KIF18A: variants seen among roughly 807,000 people sequenced by gnomAD.
The protein encoded by KIF18A is kinesin family member 18A.
A neutral mutation model predicts 103.3 loss-of-function variants in KIF18A; 67 were observed. That is an observed-to-expected ratio of 0.65 (90% CI 0.53 to 0.79). The LOEUF (loss-of-function observed/expected upper bound fraction) is 0.79. Among genes scored for constraint, KIF18A ranks in the 30% least tolerant of loss-of-function variants. The probability of loss-of-function intolerance (pLI) is 0.00; values close to 1 mark genes in which losing one functional copy is unlikely to be tolerated. For synonymous variants in KIF18A, 367 were observed against 355.5 expected (o/e 1.03, Z -0.36); for missense variants, 1,032 against 1,062.5 (o/e 0.97, Z 0.40).
chr11:28,028,547 A>G (rs1254301814), intron 15 of KIF18A, among the ~76,000 whole-genome samples: 2 of 152,198 alleles, frequency 1.3e-5, no homozygotes, highest in African/African-American at 4.8e-5. Flanking sequence ...AGGGAAATTT[A>G]TAGCAGTAAA....
intron 15 of KIF18A, among the ~76,000 whole-genome samples, chr11:28,031,541 G>A (rs1473335673): frequency 2.0e-5 from 3 of 152,020 alleles, no homozygotes; most frequent in Non-Finnish European, 2.9e-5. Context: ...TGGGGTAGGG[G>A]GAGCGCAGAG....
intron 15 of KIF18A, among the ~76,000 whole-genome samples, chr11:28,031,505 T>G (rs1055690057): frequency 2.0e-5 from 3 of 151,746 alleles, no homozygotes; most frequent in Admixed American, 6.6e-5. Flanking sequence ...CACAGGAAGG[T>G]GAACATCACA....
Position 28,069,382 on chromosome 11 carries a change from A to G in KIF18A, c.1467T>C (p.Thr489=), listed in dbSNP as rs1168074770. 3 of 1,613,760 alleles carry G rather than the reference A, an allele frequency of 1.9e-6. No homozygotes were observed. Among genetic ancestry groups the G allele is most frequent in the Middle Eastern group, 3.3e-4 (2 of 6,048 alleles). Residue 489 remains threonine, a synonymous_variant, in exon 11 of 17, where the codon ACT becomes ACC. Coordinates refer to ENST00000263181, the MANE Select transcript of KIF18A (RefSeq NM_031217.4). The stretch of plus-strand genomic sequence containing the variant: ...TCCTTTTCTCCAGGTAGGAGCGACG[A>G]GTTTTCAACATTGCAAGTCTATGAT... The part of the protein sequence containing the change: ...KRDHRLAMLK[T]RRSYLEKRRE...
intron 13 of KIF18A, among the ~76,000 whole-genome samples, chr11:28,039,766 G>A (rs1850536197): frequency 6.6e-6 from 1 of 151,818 alleles, no homozygotes; most frequent in African/African-American, 2.4e-5. Context: ...TCCTGGCAGA[G>A]TATAAGCTGA....
chr11:28,095,636 T>A (rs1195755909), intron 2 of KIF18A, among the ~76,000 whole-genome samples: 3 of 152,210 alleles, frequency 2.0e-5, no homozygotes, highest in Non-Finnish European at 2.9e-5. Context: ...TTTTAAGTTT[T>A]TGTTTTAGGT....
chr11:28,099,166 T>A (rs1851415093), intron 1 of KIF18A, among the ~76,000 whole-genome samples: 1 of 152,182 alleles, frequency 6.6e-6, no homozygotes, highest in Non-Finnish European at 1.5e-5. Flanking sequence ...TAAAAAAGAC[T>A]AAAATTCTGT....
chr11:28,062,599 C>A, intron 11 of KIF18A, 83 bp from the exon 12 acceptor site: 1 of 1,050,196 alleles, frequency 9.5e-7, no homozygotes, highest in Admixed American at 3.1e-5. Context: ...ATATTGTTGC[C>A]AATAGTTTTA....
Position 28,021,032 on chromosome 11 carries a change from AAAG to A in KIF18A, c.*165_*167del. The A allele has an allele frequency of 1.8e-6, 1 of 545,554 alleles. No individual in the cohort carries two copies. Among genetic ancestry groups the A allele is most frequent in the South Asian group, 6.8e-5 (1 of 14,702 alleles). 33.8% of individuals were successfully genotyped at this position (545,554 alleles called of 1,614,324 possible). A position where few individuals can be genotyped will look rare whatever the true frequency, so the allele number is the denominator to read the frequency against. On this transcript the variant is annotated 3_prime_UTR_variant, in exon 17 of 17. Transcript: ENST00000263181. ...TGAAATTTTATTTTTTTAGAACACAAAAGAAGAAAACAAAGAGTTTCATTTTTC... is the reference window on the plus strand; with the variant it reads ...TGAAATTTTATTTTTTTAGAACACAAAAGAAAACAAAGAGTTTCATTTTTC...
intron 6 of KIF18A, among the ~76,000 whole-genome samples, chr11:28,088,158 T>C (rs1590706042): frequency 2.0e-5 from 3 of 152,216 alleles, no homozygotes; most frequent in South Asian, 2.1e-4. Flanking sequence ...CAGAATTTAG[T>C]TTTTAAAAAT....
chr11:28,098,416 A>C (rs1851403298), intron 1 of KIF18A, among the ~76,000 whole-genome samples: 1 of 152,242 alleles, frequency 6.6e-6, no homozygotes, highest in South Asian at 2.1e-4. Context: ...AGGATCTCCC[A>C]GAACCATATC....
intron 13 of KIF18A, among the ~76,000 whole-genome samples, chr11:28,047,468 C>T (rs1170862823): frequency 6.6e-6 from 1 of 152,074 alleles, no homozygotes; most frequent in Non-Finnish European, 1.5e-5. Context: ...TAACTACTGG[C>T]CACCAGGAAA....
At position 28,081,214 on chromosome 11, in the gene KIF18A, G is replaced by A. The variant is rs1851161434; in HGVS notation, c.1262+1642C>T. On this transcript the variant is annotated intron_variant, in intron 9 of 16. Transcript: ENST00000263181. ...TGCAGCAAGTTATCGAGAAAATTTA[G>A]GTAAGATCACTGATGAAGGTGGCTA... Among the ~76,000 whole-genome samples, 3 of 152,224 alleles carry A rather than the reference G, an allele frequency of 2.0e-5. No individual in the cohort carries two copies. The South Asian group carries it at 6.2e-4, about 32-fold the overall frequency.
Position 28,097,864 on chromosome 11 carries a change from A to T in KIF18A, c.84T>A (p.Ala28=), listed in dbSNP as rs1321875530. 6.2e-7 allele frequency: 1 copy of T among 1,611,922 alleles called. No individual in the cohort carries two copies. Among genetic ancestry groups the T allele is most frequent in the Non-Finnish European group, 8.5e-7 (1 of 1,179,318 alleles). The change falls in exon 2 of 17, where the codon GCT becomes GCA. Residue 28 remains alanine, a synonymous_variant. Transcript: ENST00000263181. ...VRPENTKEKA[A]GFHKVVHVVD... is the part of the protein sequence containing the mutation. ...CAACATGAACCACTTTATGAAATCCAGCTGCTTTTTCTTTAGTGTTTTCCG... is the reference window on the plus strand; with the variant it reads ...CAACATGAACCACTTTATGAAATCCTGCTGCTTTTTCTTTAGTGTTTTCCG...
intron 13 of KIF18A, among the ~76,000 whole-genome samples, chr11:28,043,929 G>C (rs1047511645): frequency 6.7e-6 from 1 of 150,326 alleles, no homozygotes; most frequent in Non-Finnish European, 1.5e-5. Flanking sequence ...AAAAAAGGGG[G>C]AATAATGTTT....
chr11:28,098,746 G>A (rs1851407135), intron 1 of KIF18A, among the ~76,000 whole-genome samples: 1 of 152,022 alleles, frequency 6.6e-6, no homozygotes, highest in Non-Finnish European at 1.5e-5. Flanking sequence ...TTTATGACTG[G>A]TTCACATGCA....
intron 13 of KIF18A, among the ~76,000 whole-genome samples, chr11:28,053,631 C>T (rs1590680063): frequency 7.5e-6 from 1 of 132,998 alleles, no homozygotes; most frequent in East Asian, 2.2e-4. Context: ...ATTAGGTATA[C>T]CTCCTAATGC....
Position 28,097,846 on chromosome 11 carries a change from A to T in KIF18A, c.102T>A (p.Val34=). 6.2e-7 allele frequency: 1 copy of T among 1,613,132 alleles called. No individual in the cohort carries two copies. Among genetic ancestry groups the T allele is most frequent in the Non-Finnish European group, 8.5e-7 (1 of 1,179,570 alleles). Residue 34 remains valine, a synonymous_variant, in exon 2 of 17, where the codon GTT becomes GTA. Coordinates refer to ENST00000263181, the MANE Select transcript of KIF18A (RefSeq NM_031217.4). ...CTAGGATATGTTTATCCACAACATGAACCACTTTATGAAATCCAGCTGCTT... is the reference window on the plus strand; with the variant it reads ...CTAGGATATGTTTATCCACAACATGTACCACTTTATGAAATCCAGCTGCTT... ...KEKAAGFHKV[V]HVVDKHILVF...
chr11:28,075,389 T>A (rs1851075893), intron 10 of KIF18A, among the ~76,000 whole-genome samples: 1 of 152,188 alleles, frequency 6.6e-6, no homozygotes, highest in Admixed American at 6.5e-5. Flanking sequence ...ATTATTAGGA[T>A]AATATTACTA....
intron 15 of KIF18A, among the ~76,000 whole-genome samples, chr11:28,029,624 C>T (rs540038308): frequency 1.2e-3 from 178 of 152,208 alleles, no homozygotes; most frequent in African/African-American, 4.1e-3. Flanking sequence ...TGGCACAAGA[C>T]AGGGATGCCC....
Sources: gnomAD v4.1 joint callset for allele counts (sites outside exome capture counted in the v4.1 genomes callset) on GRCh38, gnomAD v4.1.1 for gene constraint, MANE v1.5 for transcripts, NCBI Gene and HGNC (gene_info 2026-07-23, HGNC 2026-07-21) for gene names.